Variants in C2orf76 observed in about 807,000 individuals in gnomAD.
C2orf76 encodes the protein UPF0538 protein C2orf76.
Under a neutral mutation model 16.9 loss-of-function variants are expected in C2orf76, and 23 were observed. The ratio of observed to expected loss-of-function variants is 1.36; its 90% CI spans 0.98 to 1.93. The LOEUF is 1.93. Among genes scored for constraint, C2orf76 ranks in the 30% most tolerant of loss-of-function variants. The probability of loss-of-function intolerance (pLI) is 0.00; values close to 1 mark genes in which losing one functional copy is unlikely to be tolerated. For synonymous variants in C2orf76, 48 were observed against 52.3 expected, an observed-to-expected ratio of 0.92 and a Z score of 0.35; for missense variants, 152 against 152.6, an observed-to-expected ratio of 1.00 and a Z score of 0.02.
At chr2:119,336,972 T>G (rs940088021) in intron 2 of C2orf76, among the ~76,000 whole-genome samples, 1 of 152,198 alleles carries the variant, frequency 6.6e-6, no homozygotes, top group African/African-American at 2.4e-5. Flanking sequence ...GAGTACATGT[T>G]TGACACTTAA....
intron 1 of C2orf76, among the ~76,000 whole-genome samples, chr2:119,366,169 T>C (rs1680975214): frequency 6.6e-6 from 1 of 152,188 alleles, no homozygotes; most frequent in Admixed American, 6.5e-5. Flanking sequence ...TCCCTACTTG[T>C]AAGTTCCAAG....
intron 2 of C2orf76, among the ~76,000 whole-genome samples, chr2:119,326,278 C>T (rs1192651593): frequency 3.3e-5 from 5 of 152,092 alleles, no homozygotes; most frequent in Admixed American, 6.6e-5. Context: ...CATTGAGGTT[C>T]ATTTATTTGC....
intron 1 of C2orf76, among the ~76,000 whole-genome samples, chr2:119,365,232 CCA>C (rs1680898562): frequency 6.6e-6 from 1 of 152,104 alleles, no homozygotes; most frequent in South Asian, 2.1e-4. Context: ...CAAATCTGGC[CCA>C]CACAAGCAAT....
intron 2 of C2orf76, among the ~76,000 whole-genome samples, chr2:119,325,908 G>A (rs568339226): frequency 2.6e-4 from 40 of 152,220 alleles, no homozygotes; most frequent in African/African-American, 9.1e-4. Flanking sequence ...TAATTGTGTT[G>A]TGTGTCTTAT....
intron 4 of C2orf76, among the ~76,000 whole-genome samples, chr2:119,316,627 C>T (rs1258332660): frequency 7.0e-6 from 1 of 143,700 alleles, no homozygotes; most frequent in Non-Finnish European, 1.6e-5. Context: ...TCTACGACTA[C>T]AGAAGACAAT....
chr2:119,305,954 A>C (rs1231441795), intron 5 of C2orf76, among the ~76,000 whole-genome samples: 1 of 151,888 alleles, frequency 6.6e-6, no homozygotes, highest in Non-Finnish European at 1.5e-5. Context: ...AAAAAAAAAA[A>C]AAACAAAAAA....
At chr2:119,284,681 GT>G in the C2orf76 span, among the ~76,000 whole-genome samples, 720 of 133,626 alleles carry the variant, frequency 5.4e-3, 4 homozygotes, top group African/African-American at 0.014. Flanking sequence ...TGGGATTTTG[GT>G]TTTTTTTTTT....
Position 119,311,608 on chromosome 2 carries a change from G to A in C2orf76, c.304+14C>T. 6.2e-7 allele frequency: 1 copy of A among 1,610,798 alleles called. No homozygotes were observed. Among genetic ancestry groups the A allele is most frequent in the South Asian group, 1.1e-5 (1 of 90,582 alleles). On this transcript the variant is annotated intron_variant, in intron 5 of 5. Transcript: ENST00000334816. ...AGAGGTCCCCCTCCAGCAACACAAG[G>A]CCCCCTTCCTCACCGATTCCAGCTG... is the stretch of plus-strand genomic sequence containing the variant.
chr2:119,286,644 G>A, the C2orf76 span, among the ~76,000 whole-genome samples: 93 of 152,264 alleles, frequency 6.1e-4, no homozygotes, highest in Admixed American at 1.2e-3. Context: ...GGACCCATCC[G>A]ATGGTTCTGA....
chr2:119,343,145 G>C (rs1035544684), intron 1 of C2orf76, among the ~76,000 whole-genome samples: 1 of 152,020 alleles, frequency 6.6e-6, no homozygotes, highest in African/African-American at 2.4e-5. Flanking sequence ...CATGTTTTGT[G>C]GTTAATGAGT....
intron 1 of C2orf76, among the ~76,000 whole-genome samples, chr2:119,341,685 T>C (rs757314851): frequency 1.3e-5 from 2 of 152,158 alleles, no homozygotes; most frequent in Non-Finnish European, 2.9e-5. Context: ...ACTTACAACT[T>C]TGCATGTAAC....
At chr2:119,292,123 T>C in the C2orf76 span, among the ~76,000 whole-genome samples, 1 of 152,160 alleles carries the variant, frequency 6.6e-6, no homozygotes, top group African/African-American at 2.4e-5. Context: ...CATTTGCCTT[T>C]TCCAATTTGT....
intron 3 of C2orf76, among the ~76,000 whole-genome samples, chr2:119,319,938 G>C (rs1679293184): frequency 6.6e-6 from 1 of 152,156 alleles, no homozygotes; most frequent in South Asian, 2.1e-4. Flanking sequence ...GCCAAGTTCA[G>C]ACAAAGCCAC....
At chr2:119,333,626 C>T (rs1051870446) in intron 2 of C2orf76, among the ~76,000 whole-genome samples, 7 of 152,212 alleles carry the variant, frequency 4.6e-5, no homozygotes, top group Non-Finnish European at 7.3e-5. Flanking sequence ...TCTGTCTCTG[C>T]GACAGTCTGT....
At chr2:119,291,237 TGGCA>T in the C2orf76 span, among the ~76,000 whole-genome samples, 1 of 151,988 alleles carries the variant, frequency 6.6e-6, no homozygotes, top group South Asian at 2.1e-4. Context: ...GGCTGGTGCC[TGGCA>T]GGTATCTAGA....
intron 1 of C2orf76, among the ~76,000 whole-genome samples, chr2:119,345,342 T>C (rs1680163673): frequency 6.6e-6 from 1 of 152,232 alleles, no homozygotes. Flanking sequence ...AATTGAAAAC[T>C]GGCCAACCAG....
At chr2:119,306,525 G>C (rs1419263799) in intron 5 of C2orf76, among the ~76,000 whole-genome samples, 1 of 152,048 alleles carries the variant, frequency 6.6e-6, no homozygotes, top group Non-Finnish European at 1.5e-5. Flanking sequence ...AACTGGCTTT[G>C]GAAGAGTTAC....
At position 119,321,169 on chromosome 2, in the gene C2orf76, T is replaced by C. The variant is rs1293761018; in HGVS notation, c.169A>G (p.Arg57Gly). The change falls in exon 3 of 6, where the codon AGA becomes GGA. Residue 57 changes from arginine (R) to glycine (G), a missense_variant. Physicochemically the swap from Arg to Gly is moderately radical, Grantham distance 125. Transcript: ENST00000334816. ...PLRTNLPPPF[R>G]NYKYDALKII... is the part of the protein sequence containing the mutation. ...AAATGGTTACCATATTTATAATTTC[T>C]GAATGGTGGTGGCAGGTTGGTCCTT... 7.0e-7 allele frequency: 1 copy of C among 1,427,836 alleles called. No homozygotes were observed. The highest frequency in any genetic ancestry group is 9.5e-7 in the Non-Finnish European group (1 of 1,052,576). 88.4% of individuals were successfully genotyped at this position (1,427,836 alleles called of 1,614,324 possible). A position where few individuals can be genotyped will look rare whatever the true frequency, so the allele number is the denominator to read the frequency against.
intron 5 of C2orf76, among the ~76,000 whole-genome samples, chr2:119,310,068 T>C (rs1176327964): frequency 6.6e-6 from 1 of 152,260 alleles, no homozygotes; most frequent in Non-Finnish European, 1.5e-5. Context: ...TAAATCATTC[T>C]TTCCTCACTT....
Sources: gnomAD v4.1 joint callset for allele counts (sites outside exome capture counted in the v4.1 genomes callset) on GRCh38, gnomAD v4.1.1 for gene constraint, MANE v1.5 for transcripts, NCBI Gene and HGNC (gene_info 2026-07-23, HGNC 2026-07-21) for gene names.